RHOT1: variants seen among roughly 807,000 people sequenced by gnomAD.
RHOT1 encodes the protein mitochondrial Rho GTPase 1.
Under a neutral mutation model 95.3 loss-of-function variants are expected in RHOT1, and 27 were observed. The ratio of observed to expected loss-of-function variants is 0.28; its 90% confidence interval spans 0.21 to 0.39. The LOEUF (loss-of-function observed/expected upper bound fraction) is 0.39, where lower values mean the gene tolerates loss of function less well. Among genes scored for constraint, RHOT1 ranks in the 10% least tolerant of loss-of-function variants. The pLI, the probability that RHOT1 is intolerant of heterozygous loss-of-function variation, is 1.00. For synonymous variants in RHOT1, 227 were observed against 263.5 expected, an observed-to-expected ratio of 0.86 and a Z score of 1.34; for missense variants, 578 against 786.7, an observed-to-expected ratio of 0.73 and a Z score of 3.17.
At chr17:32,173,518 G>C (rs1349268912) in intron 2 of RHOT1, among the ~76,000 whole-genome samples, 1 of 152,018 alleles carries the variant, frequency 6.6e-6, no homozygotes, top group African/African-American at 2.4e-5. Context: ...TTCAAGACTA[G>C]CGTGGCCAAG....
chr17:32,222,975 T>G (rs1406626470), intron 19 of RHOT1: 21 of 588,976 alleles, frequency 3.6e-5, no homozygotes, highest in Non-Finnish European at 4.5e-5. Context: ...CTTCTCTGAC[T>G]TTTTTTTTAA....
chr17:32,195,457 T>TA (rs1347928753), intron 11 of RHOT1, among the ~76,000 whole-genome samples: 1 of 152,140 alleles, frequency 6.6e-6, no homozygotes. Context: ...TCTGTTTGTT[T>TA]AAAAATGGAC....
At chr17:32,150,806 A>G (rs2032183625) in intron 1 of RHOT1, 9 of 1,549,046 alleles carry the variant, frequency 5.8e-6, no homozygotes, top group Non-Finnish European at 7.9e-6. Context: ...GTAGAGTTCC[A>G]TGCCCAATTG....
At position 32,211,113 on chromosome 17, in the gene RHOT1, C is replaced by A; in HGVS notation, c.1740-3C>A. The A allele has an allele frequency of 6.3e-7, 1 of 1,597,772 alleles. No homozygotes were observed. Among genetic ancestry groups the A allele is most frequent in the Non-Finnish European group, 8.6e-7 (1 of 1,168,092 alleles). On this transcript the variant is annotated splice_polypyrimidine_tract_variant and splice_region_variant and intron_variant, in intron 18 of 19. Transcript: ENST00000545287. ...ACTCCTGTCCTTCTGTGTGTTTTCG[C>A]AGCCATGCCCGGTTACGCTGTATGT...
At chr17:32,200,090 G>T (rs1371609160) in intron 13 of RHOT1, among the ~76,000 whole-genome samples, 1 of 151,216 alleles carries the variant, frequency 6.6e-6, no homozygotes, top group African/African-American at 2.4e-5. Context: ...AGCACATTGT[G>T]GACATTTTTC....
chr17:32,197,408 T>G (rs962218289), intron 11 of RHOT1, among the ~76,000 whole-genome samples: 6 of 150,238 alleles, frequency 4.0e-5, no homozygotes. Flanking sequence ...TTCTTTTTTC[T>G]TCTTTTTTCT....
intron 1 of RHOT1, among the ~76,000 whole-genome samples, chr17:32,162,932 GT>G (rs1308602106): frequency 6.6e-6 from 1 of 152,154 alleles, no homozygotes; most frequent in Admixed American, 6.6e-5. Flanking sequence ...CAGGAATGAT[GT>G]TTAGATGAGG....
At chr17:32,172,649 A>G (rs1475334692) in intron 2 of RHOT1, among the ~76,000 whole-genome samples, 3 of 152,230 alleles carry the variant, frequency 2.0e-5, no homozygotes, top group Admixed American at 1.3e-4. Flanking sequence ...CCTGGCCAAC[A>G]TGGTGAAACC....
At chr17:32,147,451 C>A (rs1340997948) in intron 1 of RHOT1, among the ~76,000 whole-genome samples, 2 of 151,828 alleles carry the variant, frequency 1.3e-5, no homozygotes, top group African/African-American at 4.8e-5. Context: ...CATAGTGAGA[C>A]CCTGCCTCTA....
At chr17:32,222,399 T>A (rs114189320) in intron 19 of RHOT1, among the ~76,000 whole-genome samples, 2 of 152,204 alleles carry the variant, frequency 1.3e-5, no homozygotes, top group African/African-American at 4.8e-5. Flanking sequence ...TGAATACTTA[T>A]GGTTACTACG....
chr17:32,211,153 T>G lies in RHOT1; in HGVS notation c.1777T>G (p.Cys593Gly). Residue 593 changes from cysteine (C) to glycine (G), a missense_variant, in exon 19 of 20, where the codon TGT (cysteine) becomes GGT (glycine). Physicochemically the swap from Cys to Gly is radical, Grantham distance 159 (BLOSUM62 -3). Coordinates refer to ENST00000545287, the MANE Select transcript of RHOT1 (RefSeq NM_001033566.3). ...ACGCTGTATGTGCACCTGCAACAGG[T>G]GTACATTTTGCATCTGTCAGAACTT... Reference protein sequence around the residue: ...RLRCMCTCNRCTFCICQNFLN... With the variant: ...RLRCMCTCNRGTFCICQNFLN... The G allele has an allele frequency of 1.9e-6, 3 of 1,612,062 alleles. No homozygotes were observed. The highest frequency in any genetic ancestry group is 2.2e-5 in the South Asian group (2 of 90,870).
In RHOT1 at chr17:32,206,930, G is replaced by A. The variant is rs1489086446; in HGVS notation, c.1437G>A (p.Ser479=). The change falls in exon 17 of 20, where the codon TCG becomes TCA. Residue 479 remains serine (S), a synonymous_variant. Coordinates refer to ENST00000545287, the MANE Select transcript of RHOT1 (RefSeq NM_001033566.3). ...KYLLLHDISE[S]EFLTEAEIIC... ...ACAAGTTGCATGATATCTCAGAATC[G>A]GAATTTCTAACTGAAGCTGAAATCA... 3 of 1,595,022 alleles carry A rather than the reference G, an allele frequency of 1.9e-6. No homozygotes were observed. Among genetic ancestry groups the A allele is most frequent in the Non-Finnish European group, 1.7e-6 (2 of 1,165,354 alleles).
rs370529780 is a variant in RHOT1, at chr17:32,199,337, G to C, written c.955-68G>C. ...TTAAAAAGCATAGCTTTACTAGATT[G>C]GGGGGCTTTTGAGTTGGGAATTATT... On this transcript the variant is annotated intron_variant, in intron 12 of 19. Coordinates refer to ENST00000545287, the MANE Select transcript of RHOT1 (RefSeq NM_001033566.3). 5.5e-5 allele frequency: 79 copies of C among 1,425,166 alleles called. No individual in the cohort carries two copies. In the African/African-American group the frequency reaches 1.1e-3, roughly 20 times the overall value. The allele number at this position is 1,425,166 out of a possible 1,614,324, so 88.3% of individuals were successfully genotyped here.
In RHOT1 at chr17:32,176,050, C is replaced by T. The variant is rs781488597; in HGVS notation, c.276+35C>T. 5.0e-6 allele frequency: 8 copies of T among 1,586,188 alleles called. No homozygotes were observed. The South Asian group carries it at 9.1e-5, about 18-fold the overall frequency. ...ATCTTTTTTTCCCTATAGTTGGTTTCAGTGGAGTGCTTCCAAAGTTGATTC... is the reference window on the plus strand; with the variant it reads ...ATCTTTTTTTCCCTATAGTTGGTTTTAGTGGAGTGCTTCCAAAGTTGATTC... On this transcript the variant is annotated intron_variant, in intron 5 of 19. Transcript: ENST00000545287.
intron 14 of RHOT1, among the ~76,000 whole-genome samples, chr17:32,201,740 A>G (rs559834118): frequency 6.6e-6 from 1 of 152,332 alleles, no homozygotes; most frequent in African/African-American, 2.4e-5. Flanking sequence ...ACTTTTATAT[A>G]TCTTAATGTT....
chr17:32,220,981 A>T, intron 19 of RHOT1: 1 of 706,998 alleles, frequency 1.4e-6, no homozygotes, highest in Non-Finnish European at 1.7e-6. Context: ...GTAAGATACT[A>T]TAAGTTATTC....
At chr17:32,190,793 G>A (rs778570639) in intron 8 of RHOT1, among the ~76,000 whole-genome samples, 3 of 151,948 alleles carry the variant, frequency 2.0e-5, no homozygotes, top group African/African-American at 4.8e-5. Flanking sequence ...GGGAAGCCCC[G>A]TCAGATGCTT....
At chr17:32,210,771 G>T (rs2069145) in intron 18 of RHOT1, among the ~76,000 whole-genome samples, 42,940 of 151,804 alleles carry the variant, frequency 0.28, 7,995 homozygotes, top group African/African-American at 0.53. Flanking sequence ...GCTTACTCAG[G>T]TTTTCTTTTT....
chr17:32,191,464 T>C (rs897288232), intron 8 of RHOT1, among the ~76,000 whole-genome samples: 48 of 152,216 alleles, frequency 3.2e-4, no homozygotes, highest in Non-Finnish European at 1.0e-4. Flanking sequence ...AAATTGTTGA[T>C]AGTGATTACC....
Sources: allele counts gnomAD v4.1 joint callset (sites outside exome capture counted in the v4.1 genomes callset), GRCh38; gene constraint gnomAD v4.1.1; transcripts MANE v1.5; gene names NCBI Gene and HGNC (gene_info 2026-07-23, HGNC 2026-07-21).